The following ZSWIM5 variants were observed in gnomAD, a reference collection of about 807,000 sequenced individuals.
The protein encoded by ZSWIM5 is zinc finger SWIM-type containing 5.
ZSWIM5 carries 55 observed loss-of-function variants against 119.6 expected under a neutral mutation model. That is an observed-to-expected ratio of 0.46 (90% CI 0.37 to 0.58). The LOEUF (loss-of-function observed/expected upper bound fraction) is 0.58, where lower values mean the gene tolerates loss of function less well. Among genes scored for constraint, ZSWIM5 ranks in the 20% least tolerant of loss-of-function variants. The probability of loss-of-function intolerance (pLI) is 0.00; values close to 1 mark genes in which losing one functional copy is unlikely to be tolerated. For missense variants in ZSWIM5, 1,193 were observed against 1,512.8 expected, an observed-to-expected ratio of 0.79 and a Z score of 3.51; for synonymous variants, 537 against 606.9, an observed-to-expected ratio of 0.88 and a Z score of 1.69.
intron 11 of ZSWIM5, 49 bp from the exon 12 acceptor site, chr1:45,020,837 A>C (rs1400970963): frequency 6.3e-7 from 1 of 1,586,286 alleles, no homozygotes; most frequent in Non-Finnish European, 8.6e-7. Context: ...GTTTTACTAA[A>C]CAGTCAGCTG....
chr1:45,039,960 C>T (rs907000493), intron 7 of ZSWIM5, among the ~76,000 whole-genome samples: 3 of 152,178 alleles, frequency 2.0e-5, no homozygotes, highest in Admixed American at 2.0e-4. Context: ...CTGCCTCGGC[C>T]TCCCAAAGTG....
chr1:45,183,936 G>A (rs1336680602), intron 1 of ZSWIM5, among the ~76,000 whole-genome samples: 2 of 152,126 alleles, frequency 1.3e-5, no homozygotes, highest in Admixed American at 1.3e-4. Flanking sequence ...GCCGGGCAGA[G>A]ACACAACCAA....
At chr1:45,158,085 T>C (rs1446158863) in intron 1 of ZSWIM5, among the ~76,000 whole-genome samples, 1 of 152,228 alleles carries the variant, frequency 6.6e-6, no homozygotes, top group Non-Finnish European at 1.5e-5. Flanking sequence ...ATAAGTTTGG[T>C]GAATATCATC....
intron 1 of ZSWIM5, among the ~76,000 whole-genome samples, chr1:45,140,980 C>T (rs1235932745): frequency 1.3e-5 from 2 of 151,916 alleles, no homozygotes; most frequent in Admixed American, 1.3e-4. Flanking sequence ...GGGGTGCATA[C>T]AGAGAAAGAT....
intron 1 of ZSWIM5, among the ~76,000 whole-genome samples, chr1:45,180,017 G>A (rs531989346): frequency 6.6e-6 from 1 of 152,304 alleles, no homozygotes; most frequent in South Asian, 2.1e-4. Context: ...CAGAAGACGG[G>A]TGATTTCTGC....
chr1:45,036,356 T>C (rs1644984169), intron 8 of ZSWIM5, 57 bp from the exon 9 acceptor site: 3 of 92,228 alleles, frequency 3.3e-5, no homozygotes, highest in East Asian at 6.7e-4. Context: ...TCTTCTTTCT[T>C]TTTTTTTTTT....
intron 4 of ZSWIM5, among the ~76,000 whole-genome samples, chr1:45,052,621 A>C (rs1645095741): frequency 6.6e-6 from 1 of 152,000 alleles, no homozygotes; most frequent in Non-Finnish European, 1.5e-5. Context: ...AATACAAAAA[A>C]TTAGCTGGGC....
chr1:45,200,982 T>C (rs1022885347), intron 1 of ZSWIM5, among the ~76,000 whole-genome samples: 10 of 152,154 alleles, frequency 6.6e-5, no homozygotes, highest in African/African-American at 2.4e-4. Flanking sequence ...AGGGTTGTTG[T>C]GTATGTGATT....
intron 1 of ZSWIM5, among the ~76,000 whole-genome samples, chr1:45,108,105 G>A (rs920210916): frequency 2.0e-5 from 3 of 152,148 alleles, no homozygotes; most frequent in African/African-American, 4.8e-5. Flanking sequence ...GAGTCCAGAT[G>A]CCTCCTTTTC....
At position 45,060,179 on chromosome 1, in the gene ZSWIM5, C is replaced by T; in HGVS notation, c.1021G>A (p.Val341Met). ...AGAAAAAGCTTCACTTGTTCTTTCA[C>T]CTGTTCTTCATCCAAATGCCAACAG... The part of the protein sequence containing the change: ...ENCWHLDEEQ[V>M]KEQVKLFLSQ... Residue 341 changes from valine to methionine, a missense_variant, in exon 3 of 14, where the codon GTG becomes ATG. By Grantham distance (21) the Val-to-Met change is conservative. This residue lies in a region of ZSWIM5 where 961 missense variants were observed against 1,290.0 expected (regional missense o/e 0.74). Coordinates refer to ENST00000359600, the MANE Select transcript of ZSWIM5 (RefSeq NM_020883.2). 1 of 1,614,180 alleles carries T rather than the reference C, an allele frequency of 6.2e-7. No individual in the cohort carries two copies. The highest frequency in any genetic ancestry group is 8.5e-7 in the Non-Finnish European group (1 of 1,180,032).
At chr1:45,098,717 T>C (rs1444831842) in intron 1 of ZSWIM5, among the ~76,000 whole-genome samples, 1 of 152,096 alleles carries the variant, frequency 6.6e-6, no homozygotes, top group Admixed American at 6.5e-5. Context: ...CACAGTGCAA[T>C]CAAATTAGAA....
At chr1:45,081,483 G>A (rs1420541233) in intron 2 of ZSWIM5, among the ~76,000 whole-genome samples, 1 of 152,228 alleles carries the variant, frequency 6.6e-6, no homozygotes, top group Admixed American at 6.5e-5. Flanking sequence ...ACTGGTTTTC[G>A]TATTTTTTTG....
intron 1 of ZSWIM5, among the ~76,000 whole-genome samples, chr1:45,117,451 G>A (rs1268504616): frequency 6.6e-6 from 1 of 152,198 alleles, no homozygotes; most frequent in Non-Finnish European, 1.5e-5. Context: ...AAAGTGGGAG[G>A]ACTGCTTGAG....
At chr1:45,021,182 C>A (rs1569980169) in intron 11 of ZSWIM5, among the ~76,000 whole-genome samples, 1 of 152,124 alleles carries the variant, frequency 6.6e-6, no homozygotes, top group East Asian at 1.9e-4. Context: ...ACTACGGGCG[C>A]CCGCCACCAC....
intron 4 of ZSWIM5, among the ~76,000 whole-genome samples, chr1:45,058,357 G>A (rs572012136): frequency 6.6e-6 from 1 of 152,288 alleles, no homozygotes; most frequent in African/African-American, 2.4e-5. Context: ...AAGCAAAGAG[G>A]TTTTCTCTCA....
chr1:45,069,415 G>C (rs1645207855), intron 2 of ZSWIM5, among the ~76,000 whole-genome samples: 1 of 148,866 alleles, frequency 6.7e-6, no homozygotes, highest in Non-Finnish European at 1.5e-5. Context: ...GACAGAGTGA[G>C]ACTCCGTCTC....
intron 6 of ZSWIM5, among the ~76,000 whole-genome samples, chr1:45,041,597 T>G (rs1248196925): frequency 6.6e-6 from 1 of 150,926 alleles, no homozygotes; most frequent in East Asian, 1.9e-4. Context: ...AGTACAGTGG[T>G]GTGATCTCCG....
chr1:45,059,995 CAA>C lies in ZSWIM5; in HGVS notation c.1101+102_1101+103del, dbSNP rs1645143304. The C allele has an allele frequency of 2.2e-6, 3 of 1,386,984 alleles. No homozygotes were observed. In the South Asian group the frequency reaches 4.0e-5, roughly 18 times the overall value. 85.9% of individuals were successfully genotyped at this position (1,386,984 alleles called of 1,614,324 possible). A position where few individuals can be genotyped will look rare whatever the true frequency, so the allele number is the denominator to read the frequency against. On this transcript the variant is annotated intron_variant, in intron 3 of 13. Transcript: ENST00000359600. Reference sequence around the variant, plus strand: ...TTTCAAGTATTCAGTTCAGCTATGTCAAGTGAGCTAGGTATAATGCATGAAGC... The same window carrying C: ...TTTCAAGTATTCAGTTCAGCTATGTCGTGAGCTAGGTATAATGCATGAAGC...
intron 2 of ZSWIM5, chr1:45,070,037 C>A: frequency 1.2e-6 from 1 of 812,076 alleles, no homozygotes; most frequent in South Asian, 1.3e-5. Flanking sequence ...CTATGAAAAA[C>A]CTCAATAAGA....
Sources: allele counts gnomAD v4.1 joint callset (sites outside exome capture counted in the v4.1 genomes callset), GRCh38; gene constraint gnomAD v4.1.1; regional missense constraint gnomAD v4.1.1; transcripts MANE v1.5; gene names NCBI Gene and HGNC (gene_info 2026-07-23, HGNC 2026-07-21).